Variants in KLF12 observed in about 807,000 individuals in gnomAD.
The protein encoded by KLF12 is KLF transcription factor 12, also known as Krueppel-like factor 12.
In KLF12, 9 loss-of-function variants were observed where a neutral mutation model predicts 37.8. The observed-to-expected ratio is 0.24, with a 90% CI of 0.14 to 0.42. KLF12 has a LOEUF of 0.42. Among genes scored for constraint, KLF12 ranks in the 10% least tolerant of loss-of-function variants. The pLI is 1.00. For missense variants in KLF12, 411 were observed against 516.0 expected (o/e 0.80, Z 1.97); for synonymous variants, 208 against 202.1 (o/e 1.03, Z -0.25).
At chr13:74,230,198 G>A in the KLF12 span, among the ~76,000 whole-genome samples, 3 of 152,056 alleles carry the variant, frequency 2.0e-5, no homozygotes, top group African/African-American at 7.2e-5. Flanking sequence ...AAGTTCTCAC[G>A]AGATCATATG....
chr13:73,885,993 T>C (rs543177654), intron 3 of KLF12, among the ~76,000 whole-genome samples: 111 of 152,268 alleles, frequency 7.3e-4, no homozygotes, highest in African/African-American at 1.6e-3. Context: ...GTGTTACTTA[T>C]TGAGTTATTT....
chr13:73,998,862 C>T (rs560381939), intron 1 of KLF12, among the ~76,000 whole-genome samples: 6 of 152,290 alleles, frequency 3.9e-5, no homozygotes, highest in South Asian at 2.1e-4. Flanking sequence ...CTAAGTGCTA[C>T]GTTTTCATAG....
chr13:73,865,793 A>T (rs1886146470), intron 3 of KLF12, among the ~76,000 whole-genome samples: 1 of 152,192 alleles, frequency 6.6e-6, no homozygotes, highest in East Asian at 1.9e-4. Context: ...ACAAAACCAA[A>T]CAAAAACCTA....
chr13:73,976,627 C>T (rs896235948), intron 2 of KLF12, among the ~76,000 whole-genome samples: 2 of 152,156 alleles, frequency 1.3e-5, no homozygotes, highest in Non-Finnish European at 2.9e-5. Context: ...TCATGTAACT[C>T]TCCTGCTTAT....
chr13:73,855,422 G>A (rs982347542), intron 3 of KLF12, among the ~76,000 whole-genome samples: 2 of 152,084 alleles, frequency 1.3e-5, no homozygotes, highest in Admixed American at 6.6e-5. Context: ...CCATGATTTC[G>A]TTTTTGTGTG....
At chr13:73,844,236 T>C (rs908527990) in intron 4 of KLF12, among the ~76,000 whole-genome samples, 4 of 152,234 alleles carry the variant, frequency 2.6e-5, no homozygotes, top group Non-Finnish European at 5.9e-5. Context: ...TCTTAAAACA[T>C]TTGCAATATC....
the KLF12 span, among the ~76,000 whole-genome samples, chr13:74,215,604 G>C: frequency 6.6e-6 from 1 of 152,054 alleles, no homozygotes; most frequent in Non-Finnish European, 1.5e-5. Flanking sequence ...TGTGTGTGCT[G>C]TTAGAGCTTG....
At position 74,064,972 on chromosome 13, in the gene KLF12, C is replaced by A. The variant is rs982096377; in HGVS notation, c.-32+68767G>T. 2.6e-5 allele frequency among the ~76,000 whole-genome samples: 4 copies of A among 152,164 alleles called. No individual in the cohort carries two copies. The South Asian group carries it at 8.3e-4, about 32-fold the overall frequency. On this transcript the variant is annotated intron_variant, in intron 1 of 7. Coordinates refer to ENST00000377669, the MANE Select transcript of KLF12 (RefSeq NM_007249.5). ...GTTATTCTACTGTTTTTGACTCATA[C>A]ACAAATATACATGTACACACATACA...
At chr13:74,006,248 T>C (rs1892405462) in intron 1 of KLF12, among the ~76,000 whole-genome samples, 1 of 152,208 alleles carries the variant, frequency 6.6e-6, no homozygotes, top group Non-Finnish European at 1.5e-5. Flanking sequence ...CATATTTCAG[T>C]GATTTCTCTG....
the KLF12 span, among the ~76,000 whole-genome samples, chr13:74,265,245 G>T: frequency 6.6e-6 from 1 of 152,150 alleles, no homozygotes; most frequent in African/African-American, 2.4e-5. Context: ...AGATTGGAAA[G>T]ATCCTATGAT....
chr13:74,266,658 T>C, the KLF12 span, among the ~76,000 whole-genome samples: 10 of 152,150 alleles, frequency 6.6e-5, 1 homozygote, highest in Admixed American at 6.5e-4. Flanking sequence ...AATAAATCAA[T>C]AAATGGATAG....
At chr13:74,248,216 CT>C in the KLF12 span, among the ~76,000 whole-genome samples, 2 of 152,106 alleles carry the variant, frequency 1.3e-5, no homozygotes, top group African/African-American at 2.4e-5. Context: ...ACACTGAGAG[CT>C]TGTGTTCACT....
At chr13:73,715,252 G>A (rs1222151826) in intron 7 of KLF12, 116 bp downstream of exon 7, 2 of 737,974 alleles carry the variant, frequency 2.7e-6, no homozygotes, top group Non-Finnish European at 4.3e-6. Flanking sequence ...CTAGAAGGAG[G>A]GAACTGGACT....
chr13:74,051,331 TACACACACAA>T (rs1459023757), intron 1 of KLF12, among the ~76,000 whole-genome samples: 121 of 90,390 alleles, frequency 1.3e-3, no homozygotes, highest in African/African-American at 4.3e-3. Flanking sequence ...TGTGTATACA[TACACACACAA>T]ACACACACAC....
At chr13:73,945,652 A>G (rs1890390243) in intron 2 of KLF12, among the ~76,000 whole-genome samples, 1 of 151,852 alleles carries the variant, frequency 6.6e-6, no homozygotes, top group Non-Finnish European at 1.5e-5. Flanking sequence ...AATCAACAAA[A>G]AAAAAGCAAA....
chr13:74,003,149 T>C (rs960523904), intron 1 of KLF12, among the ~76,000 whole-genome samples: 2 of 152,298 alleles, frequency 1.3e-5, no homozygotes, highest in East Asian at 1.9e-4. Flanking sequence ...ATGCCATCCT[T>C]AGTAACACCA....
chr13:73,698,023 G>A (rs1322561558), intron 7 of KLF12, among the ~76,000 whole-genome samples: 2 of 151,960 alleles, frequency 1.3e-5, no homozygotes, highest in African/African-American at 4.8e-5. Flanking sequence ...CAGGTGCAGT[G>A]GCATGCACCT....
chr13:74,110,212 A>G (rs888210461), intron 1 of KLF12, among the ~76,000 whole-genome samples: 1 of 152,062 alleles, frequency 6.6e-6, no homozygotes, highest in South Asian at 2.1e-4. Flanking sequence ...CACACCCAAC[A>G]CTTCCTGCCT....
At chr13:73,820,509 T>C (rs1289233205) in intron 4 of KLF12, among the ~76,000 whole-genome samples, 1 of 152,204 alleles carries the variant, frequency 6.6e-6, no homozygotes, top group Admixed American at 6.5e-5. Context: ...GGGTCCTGTT[T>C]TGTTTACTAA....
Sources: allele counts gnomAD v4.1 joint callset (sites outside exome capture counted in the v4.1 genomes callset), GRCh38; gene constraint gnomAD v4.1.1; transcripts MANE v1.5; gene names NCBI Gene and HGNC (gene_info 2026-07-23, HGNC 2026-07-21).